ZNF385B: variants seen among roughly 807,000 people sequenced by gnomAD.
ZNF385B encodes zinc finger protein 385B.
ZNF385B carries 23 observed loss-of-function variants against 39.2 expected under a neutral mutation model. The observed-to-expected ratio is 0.59, with a 90% CI of 0.42 to 0.83. The LOEUF is 0.83. Among genes scored for constraint, ZNF385B ranks in the 40% least tolerant of loss-of-function variants. The pLI is 0.00. For synonymous variants in ZNF385B, 205 were observed against 222.6 expected, an observed-to-expected ratio of 0.92 and a Z score of 0.70; for missense variants, 552 against 598.9, an observed-to-expected ratio of 0.92 and a Z score of 0.82.
At chr2:179,820,769 T>C (rs1203842463) in intron 1 of ZNF385B, among the ~76,000 whole-genome samples, 1 of 152,162 alleles carries the variant, frequency 6.6e-6, no homozygotes, top group Non-Finnish European at 1.5e-5. Context: ...AATTTCCTTA[T>C]AGTAATGAAT....
intron 1 of ZNF385B, among the ~76,000 whole-genome samples, chr2:179,792,375 C>CTTT (rs374147864): frequency 0.034 from 4,280 of 124,064 alleles, 278 homozygotes; most frequent in Admixed American, 0.11. Context: ...ATTTTCTTTT[C>CTTT]TTTTTTTTTT....
chr2:179,443,133 G>T lies in ZNF385B; in HGVS notation c.*117C>A, dbSNP rs2049109585. On this transcript the variant is annotated 3_prime_UTR_variant, in exon 10 of 10. Coordinates refer to ENST00000410066, the MANE Select transcript of ZNF385B (RefSeq NM_152520.6). ...CTGGAATTGGGGGACTGGGTGGTGG[G>T]CTGCATTTTGTGGGTGAATGGGGGG... 9.2e-7 allele frequency: 1 copy of T among 1,086,710 alleles called. No individual in the cohort carries two copies. The allele number at this position is 1,086,710 out of a possible 1,614,324, so 67.3% of individuals were successfully genotyped here. A position where few individuals can be genotyped will look rare whatever the true frequency, so the allele number is the denominator to read the frequency against.
chr2:179,449,474 C>A (rs1481162250), intron 6 of ZNF385B, among the ~76,000 whole-genome samples: 1 of 151,666 alleles, frequency 6.6e-6, no homozygotes. Context: ...AACAGAGAGC[C>A]AAATCATTAG....
At chr2:179,484,109 C>T (rs1434768312) in intron 5 of ZNF385B, among the ~76,000 whole-genome samples, 2 of 152,040 alleles carry the variant, frequency 1.3e-5, no homozygotes, top group Non-Finnish European at 2.9e-5. Context: ...ATACACAAAG[C>T]ATATGTAGAA....
At chr2:179,828,864 G>A (rs1469125252) in intron 1 of ZNF385B, among the ~76,000 whole-genome samples, 1 of 151,856 alleles carries the variant, frequency 6.6e-6, no homozygotes, top group East Asian at 1.9e-4. Flanking sequence ...TTTATTCCTA[G>A]GATCAACAAT....
chr2:179,639,157 G>A (rs1692026595), intron 3 of ZNF385B, among the ~76,000 whole-genome samples: 2 of 141,908 alleles, frequency 1.4e-5, no homozygotes, highest in Non-Finnish European at 3.0e-5. Flanking sequence ...AGAATGTTAA[G>A]GTTAAGGCCG....
chr2:179,841,707 G>A (rs1431306582), intron 1 of ZNF385B, among the ~76,000 whole-genome samples: 2 of 152,044 alleles, frequency 1.3e-5, no homozygotes, highest in Non-Finnish European at 2.9e-5. Context: ...TGTCTCCTGG[G>A]GGCAAAATCT....
chr2:179,827,711 T>C (rs1707756102), intron 1 of ZNF385B, among the ~76,000 whole-genome samples: 1 of 152,212 alleles, frequency 6.6e-6, no homozygotes, highest in Non-Finnish European at 1.5e-5. Context: ...GATGTAAACA[T>C]TGCCTTTCTT....
chr2:179,618,710 T>A (rs1689961597), intron 3 of ZNF385B, among the ~76,000 whole-genome samples: 1 of 152,186 alleles, frequency 6.6e-6, no homozygotes, highest in Non-Finnish European at 1.5e-5. Context: ...AGCCAGGTTA[T>A]CCCTAAATAG....
intron 6 of ZNF385B, among the ~76,000 whole-genome samples, chr2:179,475,251 A>ATTTT (rs767500606): frequency 2.9e-5 from 4 of 136,948 alleles, no homozygotes; most frequent in Non-Finnish European, 3.1e-5. Flanking sequence ...TTATCGCACA[A>ATTTT]TTTTTTTTTT....
intron 5 of ZNF385B, among the ~76,000 whole-genome samples, chr2:179,497,640 G>C (rs971865496): frequency 8.6e-5 from 13 of 151,318 alleles, no homozygotes; most frequent in African/African-American, 3.1e-4. Flanking sequence ...AAAAAGGAAA[G>C]AAAGAAGGAA....
At chr2:179,752,822 T>C (rs185615258) in intron 3 of ZNF385B, among the ~76,000 whole-genome samples, 4 of 152,242 alleles carry the variant, frequency 2.6e-5, no homozygotes, top group African/African-American at 7.2e-5. Context: ...CTTTGTAGAT[T>C]CTGGATATTA....
At chr2:179,781,788 C>T (rs537559898) in intron 1 of ZNF385B, among the ~76,000 whole-genome samples, 5 of 152,208 alleles carry the variant, frequency 3.3e-5, no homozygotes, top group East Asian at 3.9e-4. Flanking sequence ...ATATTGATTC[C>T]ATGAACAAAC....
At chr2:179,698,606 C>A (rs1253406289) in intron 3 of ZNF385B, among the ~76,000 whole-genome samples, 1 of 152,260 alleles carries the variant, frequency 6.6e-6, no homozygotes, top group African/African-American at 2.4e-5. Context: ...ATAACTCTGG[C>A]TGGTAAATCC....
At chr2:179,821,037 T>C (rs1431582333) in intron 1 of ZNF385B, among the ~76,000 whole-genome samples, 1 of 152,178 alleles carries the variant, frequency 6.6e-6, no homozygotes, top group Non-Finnish European at 1.5e-5. Flanking sequence ...GAATGGAACT[T>C]TTGGCAAAAG....
At chr2:179,453,107 T>C (rs1476387466) in intron 6 of ZNF385B, among the ~76,000 whole-genome samples, 1 of 152,206 alleles carries the variant, frequency 6.6e-6, no homozygotes, top group African/African-American at 2.4e-5. Context: ...ACATTTTCCA[T>C]GTCAATAAAT....
chr2:179,819,151 C>T (rs1302662996), intron 1 of ZNF385B, among the ~76,000 whole-genome samples: 1 of 151,952 alleles, frequency 6.6e-6, no homozygotes, highest in East Asian at 1.9e-4. Context: ...CTCCGAGTAT[C>T]CATTTGCTAA....
At chr2:179,666,067 T>C (rs1271182101) in intron 3 of ZNF385B, among the ~76,000 whole-genome samples, 3 of 152,200 alleles carry the variant, frequency 2.0e-5, no homozygotes, top group African/African-American at 4.8e-5. Flanking sequence ...CACAGTTTTG[T>C]AGTGAGATGA....
chr2:179,470,237 T>C (rs1315411335), intron 6 of ZNF385B, among the ~76,000 whole-genome samples: 1 of 152,204 alleles, frequency 6.6e-6, no homozygotes, highest in East Asian at 1.9e-4. Flanking sequence ...CATCCCACTT[T>C]GAATGGATTA....
Sources: allele counts gnomAD v4.1 joint callset (sites outside exome capture counted in the v4.1 genomes callset), GRCh38; gene constraint gnomAD v4.1.1; transcripts MANE v1.5; gene names NCBI Gene and HGNC (gene_info 2026-07-23, HGNC 2026-07-21).